ANK3: variants seen among roughly 807,000 people sequenced by gnomAD.
ANK3 encodes the protein ankyrin-3.
ANK3 carries 57 observed loss-of-function variants against 370.9 expected under a neutral mutation model. The ratio of observed to expected loss-of-function variants is 0.15; its 90% CI spans 0.12 to 0.19. ANK3 has a LOEUF of 0.19. Among genes scored for constraint, ANK3 ranks in the 10% least tolerant of loss-of-function variants. ANK3 has a pLI of 1.00. For missense variants in ANK3, 4,439 were observed against 5,302.1 expected, an observed-to-expected ratio of 0.84 and a Z score of 5.06; for synonymous variants, 1,929 against 1,946.3, an observed-to-expected ratio of 0.99 and a Z score of 0.23.
Position 60,268,280 on chromosome 10 carries a change from T to C in ANK3, c.513+1851A>G, listed in dbSNP as rs113643295. ...TGATAAAAATTCCCCAAAGCACTGA[T>C]GGGTATAAAATAAAAAAATATGTAT... On this transcript the variant is annotated intron_variant, in intron 5 of 43. Coordinates refer to ENST00000280772, the MANE Select transcript of ANK3 (RefSeq NM_020987.5). 6.4e-3 allele frequency among the ~76,000 whole-genome samples: 968 copies of C among 152,270 alleles called. 15 individuals carry two copies. Among genetic ancestry groups the C allele is most frequent in the Non-Finnish European group, 9.7e-3 (661 of 68,008 alleles).
intron 1 of ANK3, among the ~76,000 whole-genome samples, chr10:60,619,099 T>A (rs750881494): frequency 2.6e-5 from 4 of 151,976 alleles, no homozygotes; most frequent in Non-Finnish European, 5.9e-5. Context: ...CTTTCTCCCA[T>A]CTCTCTAACA....
At chr10:60,268,347 G>A (rs1050811902) in intron 5 of ANK3, among the ~76,000 whole-genome samples, 4 of 152,114 alleles carry the variant, frequency 2.6e-5, no homozygotes, top group Admixed American at 2.6e-4. Context: ...GGCTCCCTCC[G>A]AATTCTCAGG....
intron 38 of ANK3, among the ~76,000 whole-genome samples, chr10:60,065,415 T>C (rs1181770620): frequency 2.0e-5 from 3 of 152,264 alleles, no homozygotes; most frequent in African/African-American, 2.4e-5. Flanking sequence ...AATGATCCCA[T>C]GGAAAAGGAA....
At chr10:60,315,329 C>A (rs984360357) in intron 1 of ANK3, among the ~76,000 whole-genome samples, 40 of 151,988 alleles carry the variant, frequency 2.6e-4, no homozygotes, top group African/African-American at 9.4e-4. Flanking sequence ...TTTTATATTA[C>A]CGTGTTTTAA....
chr10:60,108,740 T>G (rs1284895136), intron 27 of ANK3, 90 bp downstream of exon 27: 1 of 1,122,564 alleles, frequency 8.9e-7, no homozygotes, highest in Admixed American at 2.0e-5. Flanking sequence ...AACTAAGCAG[T>G]TTTAAGAGTT....
intron 2 of ANK3, among the ~76,000 whole-genome samples, chr10:60,566,996 A>C (rs2077478882): frequency 6.6e-6 from 1 of 152,246 alleles, no homozygotes; most frequent in Non-Finnish European, 1.5e-5. Flanking sequence ...AAGCTAGTAG[A>C]GGTTGATTCA....
chr10:60,031,523 T>C (rs116205872), intron 43 of ANK3, among the ~76,000 whole-genome samples: 4 of 152,354 alleles, frequency 2.6e-5, no homozygotes, highest in African/African-American at 9.6e-5. Context: ...CTTGCATGCC[T>C]ACCTGCCTGA....
intron 17 of ANK3, among the ~76,000 whole-genome samples, chr10:60,183,069 C>T (rs2096241646): frequency 6.6e-6 from 1 of 152,152 alleles, no homozygotes; most frequent in South Asian, 2.1e-4. Flanking sequence ...ACATGTTGTC[C>T]CCTCATGCTC....
chr10:60,054,079 A>G (rs17207603), intron 42 of ANK3, among the ~76,000 whole-genome samples: 1,837 of 152,336 alleles, frequency 0.012, 25 homozygotes, highest in African/African-American at 0.021. Flanking sequence ...CTTTATGCCA[A>G]TGGCCAATAT....
chr10:60,626,898 G>A (rs539652052), intron 1 of ANK3, among the ~76,000 whole-genome samples: 135 of 152,184 alleles, frequency 8.9e-4, no homozygotes, highest in African/African-American at 3.2e-3. Context: ...TGGGGAGGGA[G>A]ACCAGGACAG....
At chr10:60,528,260 T>A (rs1309021615) in intron 2 of ANK3, among the ~76,000 whole-genome samples, 3 of 150,156 alleles carry the variant, frequency 2.0e-5, no homozygotes, top group Non-Finnish European at 3.0e-5. Context: ...CCTCAGCCTC[T>A]CGAGTAGCTG....
intron 43 of ANK3, among the ~76,000 whole-genome samples, chr10:60,035,516 G>C (rs1345107009): frequency 1.3e-5 from 2 of 151,818 alleles, no homozygotes; most frequent in Admixed American, 6.6e-5. Flanking sequence ...GCCTCCCGAA[G>C]TGCTGGGATT....
chr10:60,468,685 T>A (rs2065067364), intron 2 of ANK3, among the ~76,000 whole-genome samples: 1 of 151,894 alleles, frequency 6.6e-6, no homozygotes, highest in Non-Finnish European at 1.5e-5. Context: ...AGATTTTGCT[T>A]TAAAATGCAG....
At chr10:60,464,941 AC>A (rs1377699576) in intron 2 of ANK3, among the ~76,000 whole-genome samples, 1 of 152,146 alleles carries the variant, frequency 6.6e-6, no homozygotes, top group Non-Finnish European at 1.5e-5. Context: ...CTATTTTCTA[AC>A]TATGTTTCTG....
At chr10:60,318,214 C>T (rs1196707861) in intron 1 of ANK3, among the ~76,000 whole-genome samples, 1 of 152,008 alleles carries the variant, frequency 6.6e-6, no homozygotes, top group African/African-American at 2.4e-5. Flanking sequence ...AGTTATTAAG[C>T]CTGGCATGCA....
chr10:60,570,117 A>C (rs1442689876), intron 2 of ANK3, among the ~76,000 whole-genome samples: 1 of 152,202 alleles, frequency 6.6e-6, no homozygotes, highest in East Asian at 1.9e-4. Flanking sequence ...CTACTTTTTG[A>C]TATGTATCTG....
At chr10:60,160,784 G>GTATATTTGTCC (rs2095478871) in intron 23 of ANK3, among the ~76,000 whole-genome samples, 5 of 152,050 alleles carry the variant, frequency 3.3e-5, no homozygotes, top group Admixed American at 3.3e-4. Flanking sequence ...CATATCCAAA[G>GTATATTTGTCC]AATAAAGGAC....
chr10:60,630,187 C>T lies in ANK3; in HGVS notation c.58-14963G>A, dbSNP rs1430696267. 2.6e-5 allele frequency among the ~76,000 whole-genome samples: 4 copies of T among 152,078 alleles called. No homozygotes were observed. The East Asian group carries it at 5.8e-4, about 22-fold the overall frequency. On this transcript the variant is annotated intron_variant, in intron 1 of 43. Transcript: ENST00000373827. ...CAAAGGGCATGATATCTCCCTCCTC[C>T]TCATTACCAATTTGCTGCAAAATGT...
At chr10:60,262,429 A>T (rs1336173046) in intron 6 of ANK3, among the ~76,000 whole-genome samples, 2 of 152,204 alleles carry the variant, frequency 1.3e-5, no homozygotes. Context: ...GTACTACCAC[A>T]AAGTTGGTTT....
Sources: allele counts gnomAD v4.1 joint callset (sites outside exome capture counted in the v4.1 genomes callset), GRCh38; gene constraint gnomAD v4.1.1; transcripts MANE v1.5; gene names NCBI Gene and HGNC (gene_info 2026-07-23, HGNC 2026-07-21).